TRPM3: variants seen among roughly 807,000 people sequenced by gnomAD.
TRPM3 encodes long transient receptor potential channel 3.
TRPM3 carries 77 observed loss-of-function variants against 181.2 expected under a neutral mutation model. The ratio of observed to expected loss-of-function variants is 0.42; its 90% CI spans 0.35 to 0.51. The LOEUF (loss-of-function observed/expected upper bound fraction) is 0.51. TRPM3 is among the 20% of genes least tolerant of loss of function. The probability of loss-of-function intolerance (pLI) is 0.01; values close to 1 mark genes in which losing one functional copy is unlikely to be tolerated. For missense variants in TRPM3, 1,759 were observed against 2,196.7 expected (o/e 0.80, Z 3.98); for synonymous variants, 745 against 796.4 (o/e 0.94, Z 1.09).
At chr9:71,260,514 G>A (rs2082970946) in intron 1 of TRPM3, among the ~76,000 whole-genome samples, 1 of 152,170 alleles carries the variant, frequency 6.6e-6, no homozygotes, top group South Asian at 2.1e-4. Flanking sequence ...CTATCCATGA[G>A]CATGAAATGT....
chr9:71,257,759 T>A (rs2082764504), intron 1 of TRPM3, among the ~76,000 whole-genome samples: 1 of 152,216 alleles, frequency 6.6e-6, no homozygotes, highest in African/African-American at 2.4e-5. Flanking sequence ...TACTGATTTT[T>A]AAAGCTGAGA....
At chr9:71,446,686 G>T in exon 1 of TRPM3, 1 of 1,550,440 alleles carries the variant, frequency 6.4e-7, no homozygotes, top group African/African-American at 1.4e-5. Flanking sequence ...CCGAGCGTTT[G>T]GTGGACCCCT....
At chr9:71,291,260 G>A (rs1170579957) in intron 1 of TRPM3, among the ~76,000 whole-genome samples, 1 of 152,102 alleles carries the variant, frequency 6.6e-6, no homozygotes, top group Non-Finnish European at 1.5e-5. Context: ...ACAACAATCA[G>A]TCAGAAGAGG....
intron 22 of TRPM3, among the ~76,000 whole-genome samples, chr9:70,574,912 G>A (rs1318232393): frequency 6.6e-6 from 1 of 151,480 alleles, no homozygotes; most frequent in African/African-American, 2.4e-5. Flanking sequence ...TTGTTTCAGT[G>A]AGCTTGTTTT....
chr9:71,116,161 A>G (rs1000515303), intron 1 of TRPM3, among the ~76,000 whole-genome samples: 10 of 152,148 alleles, frequency 6.6e-5, no homozygotes, highest in Admixed American at 5.9e-4. Context: ...AGTCCATTAC[A>G]AATATCCTGG....
At chr9:70,779,015 A>T (rs2081990500) in intron 7 of TRPM3, among the ~76,000 whole-genome samples, 1 of 152,156 alleles carries the variant, frequency 6.6e-6, no homozygotes, top group African/African-American at 2.4e-5. Context: ...TTGAAGCCAT[A>T]CAACATTTTT....
intron 1 of TRPM3, among the ~76,000 whole-genome samples, chr9:71,245,366 C>G (rs911555522): frequency 6.6e-6 from 1 of 151,568 alleles, no homozygotes; most frequent in African/African-American, 2.4e-5. Flanking sequence ...ATAGCTTGAA[C>G]CCAGGAGGCG....
intron 6 of TRPM3, among the ~76,000 whole-genome samples, chr9:70,803,193 C>T (rs1225566189): frequency 6.6e-6 from 1 of 151,988 alleles, no homozygotes; most frequent in Non-Finnish European, 1.5e-5. Flanking sequence ...AAGGGACTCG[C>T]AGCATCCTTG....
chr9:70,688,492 C>G (rs185634944), intron 8 of TRPM3, among the ~76,000 whole-genome samples: 1 of 152,250 alleles, frequency 6.6e-6, no homozygotes, highest in East Asian at 1.9e-4. Flanking sequence ...ATACTTATGC[C>G]TTTGCATCCT....
intron 1 of TRPM3, among the ~76,000 whole-genome samples, chr9:71,405,099 AT>A: frequency 6.6e-6 from 1 of 152,308 alleles, no homozygotes; most frequent in East Asian, 1.9e-4. Flanking sequence ...TTTACTTCAC[AT>A]TCCAACACCT....
intron 1 of TRPM3, among the ~76,000 whole-genome samples, chr9:71,016,127 G>A (rs1480585030): frequency 8.4e-6 from 1 of 119,086 alleles, no homozygotes; most frequent in Non-Finnish European, 1.7e-5. Flanking sequence ...CCCAGGAGAG[G>A]AGACTCCCTC....
chr9:71,152,648 C>T (rs1421404509), intron 1 of TRPM3, among the ~76,000 whole-genome samples: 1 of 152,148 alleles, frequency 6.6e-6, no homozygotes, highest in Non-Finnish European at 1.5e-5. Context: ...AGCCTTACTG[C>T]TGCCTAAGAT....
intron 1 of TRPM3, among the ~76,000 whole-genome samples, chr9:70,981,630 T>C (rs1277802244): frequency 6.6e-6 from 1 of 152,172 alleles, no homozygotes; most frequent in Non-Finnish European, 1.5e-5. Context: ...AATATGATGA[T>C]AATAATAGGT....
intron 1 of TRPM3, among the ~76,000 whole-genome samples, chr9:70,956,863 G>A (rs548405118): frequency 5.3e-5 from 8 of 151,478 alleles, no homozygotes; most frequent in African/African-American, 1.9e-4. Flanking sequence ...TCCAGCCTGG[G>A]CAACAGAGAA....
chr9:71,275,285 T>A (rs2084109711), intron 1 of TRPM3, among the ~76,000 whole-genome samples: 1 of 152,248 alleles, frequency 6.6e-6, no homozygotes, highest in Non-Finnish European at 1.5e-5. Flanking sequence ...TAAGTGTTTT[T>A]AATTAAAATT....
At chr9:70,562,310 A>G (rs1004619055) in intron 22 of TRPM3, among the ~76,000 whole-genome samples, 4 of 152,188 alleles carry the variant, frequency 2.6e-5, no homozygotes, top group African/African-American at 7.2e-5. Context: ...ATTTGCCCCA[A>G]ACTGAATCAT....
intron 1 of TRPM3, among the ~76,000 whole-genome samples, chr9:71,427,669 A>C (rs148557885): frequency 2.0e-5 from 3 of 152,310 alleles, no homozygotes; most frequent in Non-Finnish European, 2.9e-5. Context: ...ACAGAAAACC[A>C]AATACTGTAT....
chr9:71,340,627 A>G (rs1458395764), intron 1 of TRPM3, among the ~76,000 whole-genome samples: 2 of 152,096 alleles, frequency 1.3e-5, no homozygotes, highest in Non-Finnish European at 2.9e-5. Flanking sequence ...AAGTCCAATA[A>G]ACCTCTTTCT....
intron 1 of TRPM3, among the ~76,000 whole-genome samples, chr9:71,391,664 T>TA (rs1306444560): frequency 1.3e-5 from 2 of 152,006 alleles, no homozygotes; most frequent in Non-Finnish European, 2.9e-5. Context: ...ATTTGCAAGG[T>TA]AAAAAATCGA....
Sources: allele counts gnomAD v4.1 joint callset (sites outside exome capture counted in the v4.1 genomes callset), GRCh38; gene constraint gnomAD v4.1.1; transcripts MANE v1.5; gene names NCBI Gene and HGNC (gene_info 2026-07-23, HGNC 2026-07-21).